EPHX2: variants seen among roughly 807,000 people sequenced by gnomAD.
The protein encoded by EPHX2 is epoxide hydrolase 2.
A neutral mutation model predicts 78.7 loss-of-function variants in EPHX2; 74 were observed. That is an observed-to-expected ratio of 0.94 (90% CI 0.78 to 1.14). The LOEUF (loss-of-function observed/expected upper bound fraction) is 1.14. EPHX2 is among the 50% of genes most tolerant of loss of function. The pLI, the probability that EPHX2 is intolerant of heterozygous loss-of-function variation, is 0.00. For synonymous variants in EPHX2, 251 were observed against 255.2 expected, an observed-to-expected ratio of 0.98 and a Z score of 0.16; for missense variants, 715 against 702.5, an observed-to-expected ratio of 1.02 and a Z score of -0.20.
chr8:27,534,348 G>C (rs1224327048), intron 12 of EPHX2, among the ~76,000 whole-genome samples: 2 of 152,212 alleles, frequency 1.3e-5, no homozygotes, highest in Non-Finnish European at 2.9e-5. Flanking sequence ...GTGATGAGCA[G>C]AACAAAAAAG....
chr8:27,501,108 AC>A lies in EPHX2; in HGVS notation c.186+100del. 4.1e-6 allele frequency: 4 copies of A among 975,622 alleles called. 1 individual carries two copies. The South Asian group carries it at 6.0e-5, about 15-fold the overall frequency. The allele number at this position is 975,622 out of a possible 1,614,324, so 60.4% of individuals were successfully genotyped here. A position where few individuals can be genotyped will look rare whatever the true frequency, so the allele number is the denominator to read the frequency against. ...GGGCCCACCATAATAGAAAACACCC[AC>A]CTTTTCTGTGAAGACAAATGTTGTT... On this transcript the variant is annotated intron_variant, in intron 2 of 18. Transcript: ENST00000521400.
chr8:27,514,251 G>A (rs573048217), intron 6 of EPHX2, among the ~76,000 whole-genome samples: 1 of 152,144 alleles, frequency 6.6e-6, no homozygotes, highest in Admixed American at 6.5e-5. Flanking sequence ...AGGCTGCAGT[G>A]AGCTATGATC....
rs749968315 is a variant in EPHX2 at position 27,491,352 on chromosome 8, A to G, written c.101+43A>G. 47 of 1,376,312 alleles carry G rather than the reference A, an allele frequency of 3.4e-5. No homozygotes were observed. The African/African-American group carries it at 5.6e-4, about 16-fold the overall frequency. The allele number at this position is 1,376,312 out of a possible 1,614,324, so 85.3% of individuals were successfully genotyped here. ...CGCCGCCGCAGTGGGTCGGGGCCTC[A>G]GGAGGCAGACCGCGCTGGGCTTGCA... On this transcript the variant is annotated intron_variant, in intron 1 of 18. Coordinates refer to ENST00000521400, the MANE Select transcript of EPHX2 (RefSeq NM_001979.6).
intron 1 of EPHX2, among the ~76,000 whole-genome samples, chr8:27,499,294 C>A (rs116765909): frequency 0.02 from 3,119 of 152,254 alleles, 117 homozygotes; most frequent in African/African-American, 0.071. Context: ...TCAGAGGAGA[C>A]AAACGTTCAA....
rs1814415458 is a variant in EPHX2, at chr8:27,515,569, T to G, written c.736-149T>G. The G allele has an allele frequency of 2.0e-5, 13 of 639,778 alleles. No individual in the cohort carries two copies. The South Asian group carries it at 2.6e-4, about 13-fold the overall frequency. The allele number at this position is 639,778 out of a possible 1,614,324, so 39.6% of individuals were successfully genotyped here. ...CAGGGCCTCTTCTCAGCCATTTTCA[T>G]GTAACACTGGGGTCTTTCACTGAGA... On this transcript the variant is annotated intron_variant, in intron 6 of 18. Coordinates refer to ENST00000521400, the MANE Select transcript of EPHX2 (RefSeq NM_001979.6).
Position 27,505,037 on chromosome 8 carries a change from T to C in EPHX2, c.428T>C (p.Leu143Pro). The C allele has an allele frequency of 6.2e-7, 1 of 1,614,146 alleles. No homozygotes were observed. Among genetic ancestry groups the C allele is most frequent in the Non-Finnish European group, 8.5e-7 (1 of 1,180,030 alleles). The change falls in exon 4 of 19, where the codon CTG becomes CCG. Residue 143 changes from leucine to proline, a missense_variant. Transcript: ENST00000521400. ...RDGLAQLMCE[L>P]KMHFDFLIES... ...GGCCTGGCCCAGCTGATGTGTGAGC[T>C]GAAGATGCACTTTGACTTCCTGATA...
At chr8:27,523,903 T>C (rs1358795961) in intron 11 of EPHX2, among the ~76,000 whole-genome samples, 1 of 151,382 alleles carries the variant, frequency 6.6e-6, no homozygotes, top group Non-Finnish European at 1.5e-5. Context: ...GAGCTGTGTT[T>C]GCCCCTCAAA....
intron 7 of EPHX2, among the ~76,000 whole-genome samples, 191 bp from the exon 8 acceptor site, chr8:27,516,129 G>A (rs924727347): frequency 5.3e-5 from 8 of 152,156 alleles, no homozygotes; most frequent in African/African-American, 9.7e-5. Context: ...CATTTCTCCC[G>A]TGCCCCACCA....
At chr8:27,509,384 T>C (rs1370993473) in intron 5 of EPHX2, among the ~76,000 whole-genome samples, 3 of 152,188 alleles carry the variant, frequency 2.0e-5, no homozygotes, top group African/African-American at 7.2e-5. Flanking sequence ...TGCTTCTGTG[T>C]GTATACCTAC....
In EPHX2 at chr8:27,491,239, G is replaced by A. The variant is rs759850446; in HGVS notation, c.31G>A (p.Asp11Asn). 26 of 1,585,624 alleles carry A rather than the reference G, an allele frequency of 1.6e-5. No homozygotes were observed. The highest frequency in any genetic ancestry group is 1.7e-5 in the Non-Finnish European group (20 of 1,174,606). The change falls in exon 1 of 19, where the codon GAC (aspartate) becomes AAC (asparagine). Residue 11 changes from aspartate to asparagine, a missense_variant. Asp to Asn is a conservative substitution (Grantham distance 23). Coordinates refer to ENST00000521400, the MANE Select transcript of EPHX2 (RefSeq NM_001979.6). The stretch of plus-strand genomic sequence containing the variant: ...GCTGCGCGCGGCCGTCTTCGACCTT[G>A]ACGGGGTGCTGGCGCTGCCAGCGGT... MTLRAAVFDL[D>N]GVLALPAVFG...
At chr8:27,512,014 C>T (rs1333427061) in intron 6 of EPHX2, 104 bp downstream of exon 6, 20 of 1,178,356 alleles carry the variant, frequency 1.7e-5, no homozygotes, top group Non-Finnish European at 2.5e-5. Context: ...ATCACCTGAA[C>T]CTGAGCCTGG....
At position 27,491,253 on chromosome 8, in the gene EPHX2, G is replaced by C. The variant is rs201585078; in HGVS notation, c.45G>C (p.Ala15=). 4.7e-5 allele frequency: 74 copies of C among 1,583,956 alleles called. No individual in the cohort carries two copies. In the East Asian group the frequency reaches 1.7e-3, roughly 36 times the overall value. The change falls in exon 1 of 19, where the codon GCG becomes GCC. Residue 15 remains alanine (A), a synonymous_variant. Transcript: ENST00000521400. ...AAVFDLDGVL[A]LPAVFGVLGR... is the part of the protein sequence containing the mutation. ...TCTTCGACCTTGACGGGGTGCTGGCGCTGCCAGCGGTGTTCGGCGTCCTCG... is the reference window on the plus strand; with the variant it reads ...TCTTCGACCTTGACGGGGTGCTGGCCCTGCCAGCGGTGTTCGGCGTCCTCG...
chr8:27,512,039 A>C, intron 6 of EPHX2, 129 bp downstream of exon 6: 1 of 820,948 alleles, frequency 1.2e-6, no homozygotes, highest in Admixed American at 1.9e-5. Flanking sequence ...TGGAGGTTGC[A>C]GTGAGCTGTG....
In EPHX2 at chr8:27,517,262, G is replaced by A. The variant is rs1814490772; in HGVS notation, c.911-776G>A. 3.3e-5 allele frequency among the ~76,000 whole-genome samples: 5 copies of A among 151,538 alleles called. No homozygotes were observed. The South Asian group carries it at 1.0e-3, about 32-fold the overall frequency. On this transcript the variant is annotated intron_variant, in intron 8 of 18. Coordinates refer to ENST00000521400, the MANE Select transcript of EPHX2 (RefSeq NM_001979.6). ...TTAAAATATTGTTATTGTTAAAATT[G>A]CTATTATTTTTTAAATCATACTACC...
chr8:27,541,974 C>G (rs1388669254), intron 16 of EPHX2, among the ~76,000 whole-genome samples: 2 of 151,958 alleles, frequency 1.3e-5, no homozygotes, highest in Non-Finnish European at 2.9e-5. Flanking sequence ...ATCTCTGAGT[C>G]TCAGTTTCCT....
chr8:27,514,670 T>C (rs1814383503), intron 6 of EPHX2, among the ~76,000 whole-genome samples: 1 of 152,070 alleles, frequency 6.6e-6, no homozygotes, highest in Non-Finnish European at 1.5e-5. Flanking sequence ...TCCACCTTCC[T>C]CGAGGCCCAT....
chr8:27,548,153 T>A (rs1267779929), downstream of EPHX2, among the ~76,000 whole-genome samples: 1 of 152,208 alleles, frequency 6.6e-6, no homozygotes, highest in Non-Finnish European at 1.5e-5. Context: ...GAGACCCGTC[T>A]TCTAAAAAGT....
chr8:27,540,495 C>T (rs1025105067), intron 14 of EPHX2, 59 bp from the exon 15 acceptor site: 9 of 1,515,880 alleles, frequency 5.9e-6, no homozygotes, highest in Admixed American at 1.7e-5. Flanking sequence ...AGGTCCCCAC[C>T]TTAAAATGCA....
At position 27,505,002 on chromosome 8, in the gene EPHX2, T is replaced by A; in HGVS notation, c.393T>A (p.Ala131=). Residue 131 remains alanine (A), a synonymous_variant, in exon 4 of 19, where the codon GCT becomes GCA. Transcript: ENST00000521400. ...ILTNTWLDDR[A]ERDGLAQLMC... ...CCAACACCTGGCTGGACGACCGTGC[T>A]GAGAGAGATGGCCTGGCCCAGCTGA... The A allele has an allele frequency of 6.2e-7, 1 of 1,614,150 alleles. No individual in the cohort carries two copies. Among genetic ancestry groups the A allele is most frequent in the Non-Finnish European group, 8.5e-7 (1 of 1,180,026 alleles).
Sources: allele counts gnomAD v4.1 joint callset (sites outside exome capture counted in the v4.1 genomes callset), GRCh38; gene constraint gnomAD v4.1.1; transcripts MANE v1.5; gene names NCBI Gene and HGNC (gene_info 2026-07-23, HGNC 2026-07-21).